The following KCNMB2 variants were observed in gnomAD, a reference collection of about 807,000 sequenced individuals.
The protein encoded by KCNMB2 is calcium-activated potassium channel subunit beta-2.
A neutral mutation model predicts 24.5 loss-of-function variants in KCNMB2; 9 were observed. The ratio of observed to expected loss-of-function variants is 0.37; its 90% CI spans 0.22 to 0.64. The LOEUF is 0.64. Ranked by LOEUF, KCNMB2 falls within the 30% of genes least tolerant of loss-of-function variation. KCNMB2 has a pLI of 0.63. For missense variants in KCNMB2, 226 were observed against 284.3 expected (o/e 0.79, Z 1.47); for synonymous variants, 109 against 104.4 (o/e 1.04, Z -0.27).
chr3:178,671,462 G>A (rs1045159542), intron 1 of KCNMB2, among the ~76,000 whole-genome samples: 3 of 152,108 alleles, frequency 2.0e-5, no homozygotes, highest in Admixed American at 6.5e-5. Context: ...CACATGACAG[G>A]TGCTCCCATC....
intron 1 of KCNMB2, among the ~76,000 whole-genome samples, chr3:178,781,892 A>C: frequency 1.4e-5 from 2 of 142,966 alleles, no homozygotes; most frequent in East Asian, 2.1e-4. Context: ...TGCACCCACT[A>C]ACTCGTCATC....
intron 1 of KCNMB2, among the ~76,000 whole-genome samples, chr3:178,706,063 C>A (rs13071153): frequency 0.33 from 49,765 of 151,902 alleles, 8,880 homozygotes; most frequent in African/African-American, 0.47. Flanking sequence ...CTTGTCGGAG[C>A]TCACAGTCAG....
Position 178,799,564 on chromosome 3 carries a change from G to T in KCNMB2, c.-67-7779G>T, listed in dbSNP as rs1304409207. Among the ~76,000 whole-genome samples the T allele has an allele frequency of 2.0e-5, 3 of 152,110 alleles. No homozygotes were observed. The East Asian group carries it at 5.8e-4, about 29-fold the overall frequency. On this transcript the variant is annotated intron_variant, in intron 1 of 4. Coordinates refer to ENST00000452583, the MANE Select transcript of KCNMB2 (RefSeq NM_181361.3). The stretch of plus-strand genomic sequence containing the variant: ...AATGAGAAGATATTCCATAGTCACG[G>T]ATTGGGAGAATCAATATTGTTAAAA...
chr3:178,778,529 A>T, intron 1 of KCNMB2, among the ~76,000 whole-genome samples: 1 of 150,990 alleles, frequency 6.6e-6, no homozygotes, highest in East Asian at 2.0e-4. Flanking sequence ...TCCCTGCATC[A>T]TACAGTAAAG....
intron 1 of KCNMB2, among the ~76,000 whole-genome samples, chr3:178,713,756 T>C (rs996895646): frequency 1.4e-4 from 21 of 152,158 alleles, no homozygotes; most frequent in Non-Finnish European, 2.6e-4. Context: ...AAAGCCACCT[T>C]CACATGGTCT....
At chr3:178,573,916 A>G (rs1392749196) in intron 1 of KCNMB2, among the ~76,000 whole-genome samples, 1 of 152,274 alleles carries the variant, frequency 6.6e-6, no homozygotes, top group East Asian at 1.9e-4. Context: ...AGAGATGAAA[A>G]TGATCAAGAA....
chr3:178,554,069 T>A (rs1250729812), intron 1 of KCNMB2, among the ~76,000 whole-genome samples: 1 of 152,168 alleles, frequency 6.6e-6, no homozygotes, highest in Non-Finnish European at 1.5e-5. Flanking sequence ...TCTCATCTCA[T>A]GCTGATGATA....
At chr3:178,823,008 G>A (rs1021570170) in intron 2 of KCNMB2, among the ~76,000 whole-genome samples, 12 of 152,292 alleles carry the variant, frequency 7.9e-5, no homozygotes, top group Admixed American at 6.5e-4. Flanking sequence ...TATAAGTGAA[G>A]TAACAGCAGA....
chr3:178,560,357 A>C (rs535173834), intron 1 of KCNMB2, among the ~76,000 whole-genome samples: 2 of 152,182 alleles, frequency 1.3e-5, no homozygotes, highest in Non-Finnish European at 2.9e-5. Context: ...TGACTAATAA[A>C]AACTGACAAT....
At chr3:178,756,472 T>C (rs950346431) in intron 1 of KCNMB2, among the ~76,000 whole-genome samples, 3 of 152,170 alleles carry the variant, frequency 2.0e-5, no homozygotes, top group African/African-American at 2.4e-5. Context: ...CTGTTTGAAA[T>C]ATGACTTCAT....
chr3:178,566,472 T>C (rs1038858975), intron 1 of KCNMB2, among the ~76,000 whole-genome samples: 4 of 152,068 alleles, frequency 2.6e-5, no homozygotes, highest in African/African-American at 9.7e-5. Context: ...TTGGCAATGT[T>C]AGCTCAGAGA....
intron 1 of KCNMB2, among the ~76,000 whole-genome samples, chr3:178,728,853 G>T (rs1466128240): frequency 1.3e-5 from 2 of 152,064 alleles, no homozygotes; most frequent in African/African-American, 4.8e-5. Context: ...AGTTACTCAG[G>T]GATGTGATCC....
intron 1 of KCNMB2, among the ~76,000 whole-genome samples, chr3:178,713,160 A>T (rs1239903758): frequency 6.6e-6 from 1 of 152,202 alleles, no homozygotes; most frequent in African/African-American, 2.4e-5. Context: ...TGGTTACTGT[A>T]AGGACTGAGA....
intron 1 of KCNMB2, among the ~76,000 whole-genome samples, chr3:178,755,870 C>G (rs1724013650): frequency 6.6e-6 from 1 of 152,138 alleles, no homozygotes; most frequent in Non-Finnish European, 1.5e-5. Context: ...TCAAGTCACC[C>G]AAGGCAGAAA....
intron 1 of KCNMB2, among the ~76,000 whole-genome samples, chr3:178,670,062 T>C (rs576886725): frequency 6.6e-6 from 1 of 152,298 alleles, no homozygotes; most frequent in African/African-American, 2.4e-5. Flanking sequence ...GCTTTCTCAG[T>C]GGAAAGTGAA....
At chr3:178,611,605 T>C (rs529353357) in intron 1 of KCNMB2, among the ~76,000 whole-genome samples, 49 of 152,190 alleles carry the variant, frequency 3.2e-4, no homozygotes, top group Middle Eastern at 3.4e-3. Flanking sequence ...TTCGGGAGGC[T>C]GAGGCAGGAG....
At chr3:178,624,622 C>A (rs1719043671) in intron 1 of KCNMB2, among the ~76,000 whole-genome samples, 1 of 142,074 alleles carries the variant, frequency 7.0e-6, no homozygotes, top group Non-Finnish European at 1.5e-5. Context: ...TTAAAAAAGG[C>A]ATTTAGTTTA....
intron 1 of KCNMB2, among the ~76,000 whole-genome samples, chr3:178,635,405 G>GCACA (rs1250487896): frequency 9.1e-6 from 1 of 110,308 alleles, no homozygotes; most frequent in Non-Finnish European, 1.9e-5. Context: ...AGGTGCTTAT[G>GCACA]CATACACACA....
intron 1 of KCNMB2, among the ~76,000 whole-genome samples, chr3:178,574,102 C>A (rs556933152): frequency 6.6e-6 from 1 of 151,994 alleles, no homozygotes; most frequent in African/African-American, 2.4e-5. Context: ...ACTCTAAATT[C>A]GACACCAAGA....
Sources: gnomAD v4.1 joint callset for allele counts (sites outside exome capture counted in the v4.1 genomes callset) on GRCh38, gnomAD v4.1.1 for gene constraint, MANE v1.5 for transcripts, NCBI Gene and HGNC (gene_info 2026-07-23, HGNC 2026-07-21) for gene names.